ANGEL1: variants seen among roughly 807,000 people sequenced by gnomAD.
The protein encoded by ANGEL1 is angel homolog 1.
In ANGEL1, 62 loss-of-function variants were observed where a neutral mutation model predicts 76.4. The observed-to-expected ratio is 0.81, with a 90% CI of 0.66 to 1.00. ANGEL1 has a LOEUF of 1.00. Among genes scored for constraint, ANGEL1 ranks in the 50% least tolerant of loss-of-function variants. The pLI, the probability that ANGEL1 is intolerant of heterozygous loss-of-function variation, is 0.00. For synonymous variants in ANGEL1, 340 were observed against 331.7 expected (o/e 1.03, Z -0.27); for missense variants, 737 against 836.7 (o/e 0.88, Z 1.47).
At chr14:76,789,471 C>T (rs1038696536) in intron 9 of ANGEL1, 83 bp from the exon 10 acceptor site, 13 of 1,526,304 alleles carry the variant, frequency 8.5e-6, no homozygotes, top group East Asian at 4.5e-5. Flanking sequence ...CCTTTGGGAA[C>T]GCCTTCTGCA....
chr14:76,803,980 T>C, intron 5 of ANGEL1, 68 bp from the exon 6 acceptor site: 1 of 1,613,706 alleles, frequency 6.2e-7, no homozygotes, highest in Non-Finnish European at 8.5e-7. Flanking sequence ...GCCCATGTTT[T>C]GGGACATGTG....
intron 7 of ANGEL1, among the ~76,000 whole-genome samples, chr14:76,796,926 CCACACA>C (rs59003912): frequency 0.013 from 1,994 of 150,960 alleles, 23 homozygotes; most frequent in Non-Finnish European, 0.021. Flanking sequence ...TTACAATATG[CCACACA>C]CACACACACA....
At chr14:76,804,312 C>G in intron 5 of ANGEL1, 2 of 1,151,890 alleles carry the variant, frequency 1.7e-6, no homozygotes, top group Non-Finnish European at 2.1e-6. Context: ...GGTCTAATAT[C>G]CTGAACCTAT....
At position 76,803,476 on chromosome 14, in the gene ANGEL1, G is replaced by A. The variant is rs773527799; in HGVS notation, c.1513C>T (p.Arg505Cys). ...TSCHPKRSER[R>C]KYGRDFLLRF... ...AGCAGGAAGTCTCGGCCATACTTGC[G>A]TCTCTCTGTAAACCAGGAAAAGACA... Residue 505 changes from arginine (R) to cysteine (C), a missense_variant, in exon 7 of 10, where the codon CGC becomes TGC. Around this residue, in one of 2 missense-constraint regions of ANGEL1, gnomAD observed 296 missense variants for 387.2 expected, o/e 0.76. Coordinates refer to ENST00000251089, the MANE Select transcript of ANGEL1 (RefSeq NM_015305.4). 52 of 1,613,966 alleles carry A rather than the reference G, an allele frequency of 3.2e-5. No homozygotes were observed. Among genetic ancestry groups the A allele is most frequent in the Non-Finnish European group, 4.1e-5 (48 of 1,179,974 alleles).
At chr14:76,797,556 C>T (rs1295401428) in intron 7 of ANGEL1, among the ~76,000 whole-genome samples, 2 of 152,162 alleles carry the variant, frequency 1.3e-5, no homozygotes, top group Non-Finnish European at 2.9e-5. Context: ...GCTGAGATCG[C>T]GCCAATGCAC....
intron 1 of ANGEL1, among the ~76,000 whole-genome samples, chr14:76,811,771 A>C (rs538348086): frequency 8.7e-4 from 133 of 152,250 alleles, no homozygotes; most frequent in Non-Finnish European, 1.4e-3. Flanking sequence ...TGTTAACACC[A>C]GAGATACAGC....
chr14:76,806,335 C>A (rs1894916188), intron 5 of ANGEL1, 81 bp downstream of exon 5: 2 of 1,463,128 alleles, frequency 1.4e-6, no homozygotes, highest in African/African-American at 1.4e-5. Flanking sequence ...GAGGTCCCTG[C>A]CACAGAAGAA....
chr14:76,803,796 G>T lies in ANGEL1; in HGVS notation c.1497C>A (p.Pro499=), dbSNP rs768537371. ...GTGACATGTGCTCACCTGATCTCTT[G>T]GGGTGACAGGAGGTGACATACTGAC... is the stretch of plus-strand genomic sequence containing the variant. ...DCCQYVTSCH[P]KRSERRKYGR... The change falls in exon 6 of 10, where the codon CCC becomes CCA. Residue 499 remains proline, a synonymous_variant. Transcript: ENST00000251089. The T allele has an allele frequency of 6.2e-7, 1 of 1,612,708 alleles. No individual in the cohort carries two copies. Among genetic ancestry groups the T allele is most frequent in the South Asian group, 1.1e-5 (1 of 90,978 alleles).
intron 7 of ANGEL1, among the ~76,000 whole-genome samples, chr14:76,800,181 T>C (rs1894719630): frequency 6.6e-6 from 1 of 152,244 alleles, no homozygotes; most frequent in Non-Finnish European, 1.5e-5. Context: ...ATTTTATGTT[T>C]CATTCAAGTA....
At chr14:76,795,293 T>G (rs955101970) in intron 7 of ANGEL1, among the ~76,000 whole-genome samples, 1 of 152,204 alleles carries the variant, frequency 6.6e-6, no homozygotes, top group Non-Finnish European at 1.5e-5. Context: ...ATATATAAAA[T>G]TATATTAATA....
Position 76,809,546 on chromosome 14 carries a change from C to T in ANGEL1, c.162G>A (p.Gln54=). The T allele has an allele frequency of 1.2e-6, 2 of 1,614,244 alleles. No individual in the cohort carries two copies. Among genetic ancestry groups the T allele is most frequent in the East Asian group, 4.5e-5 (2 of 44,882 alleles). The part of the protein sequence containing the change: ...DFAMAPRGPE[Q]EECEGLLQQW... ...GCTGCAGCAGGCCCTCACATTCCTC[C>T]TGCTCAGGGCCCCGAGGGGCCATGG... Residue 54 remains glutamine (Q), a synonymous_variant, in exon 2 of 10, where the codon CAG becomes CAA. Transcript: ENST00000251089.
chr14:76,804,076 C>G (rs1284000941), intron 5 of ANGEL1, 164 bp from the exon 6 acceptor site: 13 of 1,487,668 alleles, frequency 8.7e-6, no homozygotes, highest in Non-Finnish European at 1.2e-5. Context: ...AAATAAGGAC[C>G]AAATTAAAAC....
intron 4 of ANGEL1, 66 bp downstream of exon 4, chr14:76,807,367 C>T: frequency 6.7e-7 from 1 of 1,495,380 alleles, no homozygotes; most frequent in Non-Finnish European, 9.2e-7. Context: ...AGGATGGGGT[C>T]TTCAGGAGAG....
At chr14:76,795,498 CAAT>C (rs1302732384) in intron 7 of ANGEL1, among the ~76,000 whole-genome samples, 1 of 152,130 alleles carries the variant, frequency 6.6e-6, no homozygotes, top group African/African-American at 2.4e-5. Flanking sequence ...GTGTCAGTGT[CAAT>C]ATTATACTTG....
At chr14:76,798,720 G>A (rs1268838772) in intron 7 of ANGEL1, among the ~76,000 whole-genome samples, 1 of 152,002 alleles carries the variant, frequency 6.6e-6, no homozygotes, top group African/African-American at 2.4e-5. Flanking sequence ...GGCCGAGGTG[G>A]GTGGATCATT....
chr14:76,792,666 G>A (rs1270195269), intron 7 of ANGEL1, among the ~76,000 whole-genome samples: 1 of 151,972 alleles, frequency 6.6e-6, no homozygotes, highest in African/African-American at 2.4e-5. Flanking sequence ...ACAGACAGAA[G>A]AAAAACATTT....
At chr14:76,805,785 T>G (rs181353097) in intron 5 of ANGEL1, among the ~76,000 whole-genome samples, 1 of 152,356 alleles carries the variant, frequency 6.6e-6, no homozygotes, top group Admixed American at 6.5e-5. Context: ...GGGTAAGAGC[T>G]CTGCAGCCAG....
At chr14:76,811,334 T>C (rs1895075382) in intron 1 of ANGEL1, among the ~76,000 whole-genome samples, 1 of 152,240 alleles carries the variant, frequency 6.6e-6, no homozygotes, top group African/African-American at 2.4e-5. Flanking sequence ...ATCCTCTGTG[T>C]ATACCAGATG....
chr14:76,788,900 A>C lies in ANGEL1; in HGVS notation c.*328T>G. ...CGGCCTGAAAGCAAATAACCAATGA[A>C]ATCAAGAACTCCCATAACCCTGGTA... On this transcript the variant is annotated 3_prime_UTR_variant, in exon 10 of 10. Transcript: ENST00000251089. 1 of 256,140 alleles carries C rather than the reference A, an allele frequency of 3.9e-6. No homozygotes were observed. Among genetic ancestry groups the C allele is most frequent in the Admixed American group, 5.0e-5 (1 of 20,114 alleles). The allele number at this position is 256,140 out of a possible 1,614,324, so 15.9% of individuals were successfully genotyped here.
Sources: allele counts gnomAD v4.1 joint callset (sites outside exome capture counted in the v4.1 genomes callset), GRCh38; gene constraint gnomAD v4.1.1; regional missense constraint gnomAD v4.1.1; transcripts MANE v1.5; gene names NCBI Gene and HGNC (gene_info 2026-07-23, HGNC 2026-07-21).